Variants in SFMBT2 observed in about 807,000 individuals in gnomAD.
SFMBT2 encodes Scm like with four mbt domains 2, also known as scm-like with four MBT domains protein 2.
SFMBT2 carries 38 observed loss-of-function variants against 110.1 expected under a neutral mutation model. That is an observed-to-expected ratio of 0.35 (90% confidence interval 0.27 to 0.45). The LOEUF is 0.45. SFMBT2 is among the 20% of genes least tolerant of loss of function. SFMBT2 has a pLI of 1.00. For synonymous variants in SFMBT2, 425 were observed against 425.4 expected (o/e 1.00, Z 0.01); for missense variants, 1,011 against 1,094.9 (o/e 0.92, Z 1.08).
intron 4 of SFMBT2, among the ~76,000 whole-genome samples, chr10:7,306,070 C>G (rs905790472): frequency 6.6e-6 from 1 of 152,248 alleles, no homozygotes; most frequent in Non-Finnish European, 1.5e-5. Flanking sequence ...AGAAAGGCAG[C>G]CTTTCATTAA....
At chr10:7,372,714 C>T (rs1228981442) in intron 2 of SFMBT2, among the ~76,000 whole-genome samples, 4 of 152,332 alleles carry the variant, frequency 2.6e-5, no homozygotes, top group South Asian at 2.1e-4. Context: ...CACTGGGCAC[C>T]TCTTACCAAA....
intron 7 of SFMBT2, among the ~76,000 whole-genome samples, chr10:7,253,405 T>G (rs1840879626): frequency 6.6e-6 from 1 of 152,176 alleles, no homozygotes; most frequent in African/African-American, 2.4e-5. Context: ...TGCACTGCTT[T>G]CAGACAGTGT....
At chr10:7,276,592 G>T (rs1165114406) in intron 7 of SFMBT2, among the ~76,000 whole-genome samples, 1 of 152,102 alleles carries the variant, frequency 6.6e-6, no homozygotes, top group Non-Finnish European at 1.5e-5. Flanking sequence ...GCAATGGTGC[G>T]ATCTCAGCTC....
chr10:7,160,590 T>A lies in SFMBT2; in HGVS notation c.*3180A>T, dbSNP rs888114488. 6.6e-6 allele frequency: 1 copy of A among 152,118 alleles called. No individual in the cohort carries two copies. Among genetic ancestry groups the A allele is most frequent in the Non-Finnish European group, 1.5e-5 (1 of 68,052 alleles). The allele number at this position is 152,118 out of a possible 1,614,324, so 9.4% of individuals were successfully genotyped here. On this transcript the variant is annotated 3_prime_UTR_variant, in exon 21 of 21. Coordinates refer to ENST00000397167, the MANE Select transcript of SFMBT2 (RefSeq NM_001387889.1). ...GAAACGGTACCATCCAGGGAAGGAATGCGGGGCATCACTTTTTGGTGTTTA... is the reference window on the plus strand; with the variant it reads ...GAAACGGTACCATCCAGGGAAGGAAAGCGGGGCATCACTTTTTGGTGTTTA...
At chr10:7,370,548 A>C (rs772010488) in intron 2 of SFMBT2, among the ~76,000 whole-genome samples, 173 bp from the exon 3 acceptor site, 10 of 152,254 alleles carry the variant, frequency 6.6e-5, no homozygotes, top group Non-Finnish European at 1.5e-4. Flanking sequence ...AGAAGTGTTG[A>C]CTAAAGAAAG....
intron 15 of SFMBT2, among the ~76,000 whole-genome samples, chr10:7,192,906 C>A (rs1395042247): frequency 6.6e-6 from 1 of 152,140 alleles, no homozygotes; most frequent in Non-Finnish European, 1.5e-5. Context: ...AGTCTTTGGA[C>A]CTCAGCTGAG....
intron 1 of SFMBT2, among the ~76,000 whole-genome samples, chr10:7,397,548 G>T (rs1335764393): frequency 6.6e-6 from 1 of 152,080 alleles, no homozygotes; most frequent in African/African-American, 2.4e-5. Flanking sequence ...ATTTCAAAAT[G>T]AGCACAGGCA....
intron 4 of SFMBT2, among the ~76,000 whole-genome samples, chr10:7,319,275 C>A (rs774513771): frequency 6.6e-6 from 1 of 152,204 alleles, no homozygotes; most frequent in Non-Finnish European, 1.5e-5. Flanking sequence ...TGTCTTTCTT[C>A]AAATCTTAGC....
intron 4 of SFMBT2, among the ~76,000 whole-genome samples, chr10:7,364,517 A>G (rs1844828496): frequency 6.6e-6 from 1 of 152,232 alleles, no homozygotes. Flanking sequence ...AACAGCATAC[A>G]TTTTTACCAA....
intron 4 of SFMBT2, among the ~76,000 whole-genome samples, chr10:7,349,211 C>A (rs1844220768): frequency 6.6e-6 from 1 of 152,102 alleles, no homozygotes; most frequent in Non-Finnish European, 1.5e-5. Flanking sequence ...CGGCATCAAT[C>A]AAACCTGTTC....
chr10:7,383,169 A>C (rs1845475641), intron 1 of SFMBT2, among the ~76,000 whole-genome samples: 1 of 152,224 alleles, frequency 6.6e-6, no homozygotes, highest in African/African-American at 2.4e-5. Context: ...GTGGTAAAAT[A>C]TCTTTTAAAA....
chr10:7,395,139 T>C (rs537901838), intron 1 of SFMBT2, among the ~76,000 whole-genome samples: 1 of 152,296 alleles, frequency 6.6e-6, no homozygotes, highest in East Asian at 1.9e-4. Flanking sequence ...GCCAACATAA[T>C]GAAACCTCGT....
chr10:7,340,647 A>G (rs561886170), intron 4 of SFMBT2, among the ~76,000 whole-genome samples: 9 of 134,774 alleles, frequency 6.7e-5, no homozygotes, highest in Non-Finnish European at 1.2e-4. Flanking sequence ...CAGAACAAGA[A>G]CCTATCTCAA....
intron 3 of SFMBT2, among the ~76,000 whole-genome samples, chr10:7,369,897 T>C (rs1227171978): frequency 6.6e-6 from 1 of 152,158 alleles, no homozygotes; most frequent in Non-Finnish European, 1.5e-5. Flanking sequence ...TTTCACTCTA[T>C]CACCCAGGCT....
chr10:7,316,110 C>T lies in SFMBT2; in HGVS notation c.437-30156G>A, dbSNP rs567563077. Among the ~76,000 whole-genome samples the T allele has an allele frequency of 3.9e-5, 6 of 152,236 alleles. No homozygotes were observed. The East Asian group carries it at 1.2e-3, about 29-fold the overall frequency. On this transcript the variant is annotated intron_variant, in intron 4 of 20. Transcript: ENST00000397167. ...GAACAGATGGTGAACCTTGAAGAGCCAAAACGCATGACCTCCCTCAACAGG... is the reference window on the plus strand; with the variant it reads ...GAACAGATGGTGAACCTTGAAGAGCTAAAACGCATGACCTCCCTCAACAGG...
chr10:7,172,382 C>T lies in SFMBT2; in HGVS notation c.2151+113G>A. The T allele has an allele frequency of 6.4e-7, 1 of 1,555,082 alleles. No homozygotes were observed. Among genetic ancestry groups the T allele is most frequent in the East Asian group, 2.3e-5 (1 of 43,450 alleles). On this transcript the variant is annotated intron_variant, in intron 18 of 20. Coordinates refer to ENST00000397167, the MANE Select transcript of SFMBT2 (RefSeq NM_001387889.1). The surrounding 1 kb of genome is among the most constrained non-coding windows in gnomAD (Gnocchi z 4.6). ...AGGAGGGGGCTCTTCTTCAGTGTTTCTGACCATCTTGCCACAATCTCCAGG... is the reference window on the plus strand; with the variant it reads ...AGGAGGGGGCTCTTCTTCAGTGTTTTTGACCATCTTGCCACAATCTCCAGG...
chr10:7,202,656 A>G, intron 12 of SFMBT2, 134 bp from the exon 13 acceptor site: 2 of 1,535,880 alleles, frequency 1.3e-6, no homozygotes, highest in Non-Finnish European at 1.8e-6. Context: ...TACGTCATTC[A>G]TGCCACAATT....
chr10:7,186,766 G>A (rs1588779246), intron 16 of SFMBT2, among the ~76,000 whole-genome samples: 1 of 152,264 alleles, frequency 6.6e-6, no homozygotes, highest in East Asian at 1.9e-4. Flanking sequence ...CTAAAAAGTT[G>A]TCATTTCACA....
At chr10:7,249,510 A>G (rs1297498849) in intron 7 of SFMBT2, 1 of 984,882 alleles carries the variant, frequency 1.0e-6, no homozygotes, top group Non-Finnish European at 1.2e-6. Flanking sequence ...TGAGGAAATA[A>G]TACCTGCAAA....
Sources: allele counts gnomAD v4.1 joint callset (sites outside exome capture counted in the v4.1 genomes callset), GRCh38; gene constraint gnomAD v4.1.1; non-coding constraint Gnocchi (gnomAD v3.1); transcripts MANE v1.5; gene names NCBI Gene and HGNC (gene_info 2026-07-23, HGNC 2026-07-21).